SLC6A4: variants seen among roughly 807,000 people sequenced by gnomAD.
SLC6A4 encodes solute carrier family 6 member 4.
A neutral mutation model predicts 73.4 loss-of-function variants in SLC6A4; 22 were observed. The observed-to-expected ratio is 0.30, with a 90% CI of 0.21 to 0.43. The LOEUF is 0.43. Among genes scored for constraint, SLC6A4 ranks in the 20% least tolerant of loss-of-function variants. The pLI is 1.00. For synonymous variants in SLC6A4, 270 were observed against 315.5 expected, an observed-to-expected ratio of 0.86 and a Z score of 1.53; for missense variants, 593 against 808.5, an observed-to-expected ratio of 0.73 and a Z score of 3.23.
chr17:30,208,203 C>G (rs1432955606), intron 12 of SLC6A4, among the ~76,000 whole-genome samples: 1 of 152,100 alleles, frequency 6.6e-6, no homozygotes, highest in Non-Finnish European at 1.5e-5. Context: ...TGGTGCCACA[C>G]CGCCTTCCTG....
In SLC6A4 at chr17:30,235,004, G is replaced by T. The variant is rs913064936; in HGVS notation, c.-221+609C>A. Among the ~76,000 whole-genome samples, 2 of 152,066 alleles carry T rather than the reference G, an allele frequency of 1.3e-5. No homozygotes were observed. ...AATGATGGTTATATCCTTCAACCAC[G>T]TAGCACAGTCGTTGGAGTTGGAGTT... On this transcript the variant is annotated intron_variant, in intron 1 of 14. Transcript: ENST00000650711. The surrounding 1 kb of genome is among the most constrained non-coding windows in gnomAD (Gnocchi z 4.5).
intron 8 of SLC6A4, among the ~76,000 whole-genome samples, chr17:30,213,311 T>C (rs1335825578): frequency 6.6e-6 from 1 of 150,440 alleles, no homozygotes; most frequent in Non-Finnish European, 1.5e-5. Flanking sequence ...TCTTTTTTTT[T>C]TTTTTTTTTG....
chr17:30,228,860 T>C (rs991256099), intron 1 of SLC6A4, among the ~76,000 whole-genome samples: 1 of 152,214 alleles, frequency 6.6e-6, no homozygotes, highest in Admixed American at 6.5e-5. Context: ...CGTGTGCCCC[T>C]GGAAGCAGGG....
rs11367656 is a variant in SLC6A4, at chr17:30,195,818, AT to A, written c.*2637del. 69,774 of 138,832 alleles carry A rather than the reference AT, an allele frequency of 0.5. 16,767 individuals are homozygous for A. Among genetic ancestry groups the A allele is most frequent in the East Asian group, 0.79 (3,702 of 4,704 alleles). The allele number at this position is 138,832 out of a possible 1,614,324, so 8.6% of individuals were successfully genotyped here. A position where few individuals can be genotyped will look rare whatever the true frequency, so the allele number is the denominator to read the frequency against. On this transcript the variant is annotated 3_prime_UTR_variant, in exon 15 of 15. Transcript: ENST00000650711. ...TCTTTCCATGGAACTAAGCATAACA[AT>A]TTTTTTTTTTTTTTTTGAGACGGAG...
intron 11 of SLC6A4, 42 bp from the exon 12 acceptor site, chr17:30,209,284 G>A (rs754312993): frequency 7.9e-7 from 1 of 1,269,640 alleles, no homozygotes; most frequent in Non-Finnish European, 1.1e-6. Flanking sequence ...CCTCCAAGGA[G>A]CCACCCCTCC....
Position 30,221,417 on chromosome 17 carries a change from C to G in SLC6A4, c.343+199G>C, listed in dbSNP as rs543263685. On this transcript the variant is annotated intron_variant, in intron 3 of 14. Transcript: ENST00000650711. ...ATCCCAGGTCACAGCCCACCCGGGTCACAGCCCACCCCAGGTCACAGCCCA... is the reference window on the plus strand; with the variant it reads ...ATCCCAGGTCACAGCCCACCCGGGTGACAGCCCACCCCAGGTCACAGCCCA... Among the ~76,000 whole-genome samples, 209 of 105,274 alleles carry G rather than the reference C, an allele frequency of 2.0e-3. 1 individual carries two copies. Among genetic ancestry groups the G allele is most frequent in the Non-Finnish European group, 3.5e-3 (160 of 45,142 alleles). 69.1% of individuals were successfully genotyped at this position (105,274 alleles called of 152,430 possible). A position where few individuals can be genotyped will look rare whatever the true frequency, so the allele number is the denominator to read the frequency against.
chr17:30,213,136 C>A (rs1025328783), intron 8 of SLC6A4, among the ~76,000 whole-genome samples: 6 of 152,136 alleles, frequency 3.9e-5, no homozygotes, highest in African/African-American at 1.4e-4. Flanking sequence ...ATCCTGCTAG[C>A]ACAGACCTCT....
intron 3 of SLC6A4, 133 bp from the exon 4 acceptor site, chr17:30,219,064 G>A: frequency 1.0e-6 from 1 of 978,058 alleles, no homozygotes; most frequent in Non-Finnish European, 1.6e-6. Context: ...GTGGCCTCAT[G>A]CTGTGCTCCT....
At position 30,210,514 on chromosome 17, in the gene SLC6A4, C is replaced by A. The variant is rs1906350046; in HGVS notation, c.1449+1G>T. On this transcript the variant is annotated splice_donor_variant, in intron 11 of 14. Coordinates refer to ENST00000650711, the MANE Select transcript of SLC6A4 (RefSeq NM_001045.6). LOFTEE classifies it high-confidence loss of function. ...TCAAAGCTGAGGGGCATGATACTCA[C>A]AAAAGTCAGGGTGACCAGGGATCCA... 6.2e-7 allele frequency: 1 copy of A among 1,612,344 alleles called. No individual in the cohort carries two copies. The highest frequency in any genetic ancestry group is 8.5e-7 in the Non-Finnish European group (1 of 1,179,330).
chr17:30,199,984 G>C (rs1172772119), intron 14 of SLC6A4, among the ~76,000 whole-genome samples: 1 of 151,082 alleles, frequency 6.6e-6, no homozygotes, highest in Non-Finnish European at 1.5e-5. Context: ...CTGCAGTCTT[G>C]AACCCCTGGG....
At chr17:30,214,907 A>G (rs1291698595) in intron 8 of SLC6A4, among the ~76,000 whole-genome samples, 1 of 151,998 alleles carries the variant, frequency 6.6e-6, no homozygotes, top group Non-Finnish European at 1.5e-5. Context: ...TGTTGAGATT[A>G]CAGGTGGGAG....
Position 30,235,332 on chromosome 17 carries a change from T to G in SLC6A4, c.-221+281A>C, listed in dbSNP as rs1207067536. 6.6e-6 allele frequency among the ~76,000 whole-genome samples: 1 copy of G among 152,146 alleles called. No homozygotes were observed. ...GGTCTTTCACGGGTCCTCAAGAGGT[T>G]GCAAAGCCCCTGCAACAATAGACAA... On this transcript the variant is annotated intron_variant, in intron 1 of 14. Transcript: ENST00000650711. The surrounding 1 kb of genome is among the most constrained non-coding windows in gnomAD (Gnocchi z 4.5).
chr17:30,202,587 T>C (rs1307740264), intron 14 of SLC6A4, among the ~76,000 whole-genome samples: 1 of 152,202 alleles, frequency 6.6e-6, no homozygotes, highest in Non-Finnish European at 1.5e-5. Context: ...GGTACTGTTA[T>C]TAACATTTCT....
Position 30,222,065 on chromosome 17 carries a change from A to T in SLC6A4, c.-107T>A. 6.3e-7 allele frequency: 1 copy of T among 1,575,620 alleles called. No homozygotes were observed. The highest frequency in any genetic ancestry group is 1.2e-5 in the South Asian group (1 of 86,676). The stretch of plus-strand genomic sequence containing the variant: ...TCCGAGCTCTCTATCGTCGGGATTG[A>T]CACGTCGGGATTGACTCTGTTGGAA... On this transcript the variant is annotated 5_prime_UTR_variant, in exon 3 of 15. Coordinates refer to ENST00000650711, the MANE Select transcript of SLC6A4 (RefSeq NM_001045.6).
At chr17:30,216,035 T>C in intron 7 of SLC6A4, 47 bp downstream of exon 7, 1 of 1,572,928 alleles carries the variant, frequency 6.4e-7, no homozygotes, top group Non-Finnish European at 8.7e-7. Flanking sequence ...ACCAGCTTCG[T>C]TTAGTAAAAT....
chr17:30,219,947 T>C (rs1334377994), intron 3 of SLC6A4, among the ~76,000 whole-genome samples: 3 of 152,210 alleles, frequency 2.0e-5, no homozygotes, highest in African/African-American at 7.2e-5. Flanking sequence ...TCCAAAGAGT[T>C]TGCTTGATCA....
rs963257466 is a variant in SLC6A4, at chr17:30,235,339, C to T, written c.-221+274G>A. Among the ~76,000 whole-genome samples the T allele has an allele frequency of 2.0e-5, 3 of 152,206 alleles. No homozygotes were observed. The East Asian group carries it at 5.8e-4, about 29-fold the overall frequency. ...CACGGGTCCTCAAGAGGTTGCAAAG[C>T]CCCTGCAACAATAGACAAAGGAGCC... On this transcript the variant is annotated intron_variant, in intron 1 of 14. Coordinates refer to ENST00000650711, the MANE Select transcript of SLC6A4 (RefSeq NM_001045.6). This position sits in a 1 kb window ranked among gnomAD's most constrained non-coding sequence, Gnocchi z 4.5.
intron 1 of SLC6A4, among the ~76,000 whole-genome samples, chr17:30,232,017 C>T (rs1907129113): frequency 6.6e-6 from 1 of 152,226 alleles, no homozygotes; most frequent in Non-Finnish European, 1.5e-5. Context: ...CAGAACCCCT[C>T]CCTGGTCCTT....
At chr17:30,208,023 G>T (rs1026941145) in intron 12 of SLC6A4, among the ~76,000 whole-genome samples, 191 bp from the exon 13 acceptor site, 1 of 152,132 alleles carries the variant, frequency 6.6e-6, no homozygotes, top group African/African-American at 2.4e-5. Context: ...GGAGTACAGC[G>T]ACAACAATCT....
Sources: allele counts gnomAD v4.1 joint callset (sites outside exome capture counted in the v4.1 genomes callset), GRCh38; gene constraint gnomAD v4.1.1; non-coding constraint Gnocchi (gnomAD v3.1); transcripts MANE v1.5; gene names NCBI Gene and HGNC (gene_info 2026-07-23, HGNC 2026-07-21).